The following MRAP variants were observed in gnomAD, a reference collection of about 807,000 sequenced individuals.
MRAP encodes melanocortin-2 receptor accessory protein.
In MRAP, 8 loss-of-function variants were observed where a neutral mutation model predicts 8.7. The ratio of observed to expected loss-of-function variants is 0.92; its 90% CI spans 0.54 to 1.66. MRAP has a LOEUF of 1.66. MRAP is among the 40% of genes most tolerant of loss of function. MRAP has a pLI of 0.00. For missense variants in MRAP, 237 were observed against 217.1 expected, an observed-to-expected ratio of 1.09 and a Z score of -0.58; for synonymous variants, 95 against 95.5, an observed-to-expected ratio of 1.00 and a Z score of 0.03.
intron 1 of MRAP, among the ~76,000 whole-genome samples, chr21:32,301,225 G>A (rs2032293080): frequency 6.6e-6 from 1 of 152,296 alleles, no homozygotes; most frequent in South Asian, 2.1e-4. Context: ...CCTTCCCAAA[G>A]TGCTGGGATT....
chr21:32,300,439 G>A (rs897513471), intron 1 of MRAP, among the ~76,000 whole-genome samples: 3 of 150,924 alleles, frequency 2.0e-5, no homozygotes, highest in African/African-American at 7.3e-5. Context: ...TGCGTCATGC[G>A]TCCTATGTCA....
At chr21:32,314,331 T>G (rs2032643242), downstream of MRAP, 1 of 451,238 alleles carries the variant, frequency 2.2e-6, no homozygotes, top group African/African-American at 2.0e-5. Flanking sequence ...ATTACAGGTG[T>G]GCGCTACCAT....
At chr21:32,292,123 T>C (rs1264084502) in intron 1 of MRAP, among the ~76,000 whole-genome samples, 1 of 149,926 alleles carries the variant, frequency 6.7e-6, no homozygotes, top group Non-Finnish European at 1.5e-5. Flanking sequence ...TAAATAATAT[T>C]CAGGTGGGAT....
chr21:32,299,851 C>A (rs995592621), intron 1 of MRAP, among the ~76,000 whole-genome samples: 10 of 152,194 alleles, frequency 6.6e-5, no homozygotes, highest in African/African-American at 2.4e-4. Context: ...AGCATGACTT[C>A]ACTTCTTTTT....
At chr21:32,298,271 C>T (rs1173768836), upstream of MRAP, among the ~76,000 whole-genome samples, 1 of 152,004 alleles carries the variant, frequency 6.6e-6, no homozygotes, top group East Asian at 1.9e-4. Flanking sequence ...GGGGTTGTGT[C>T]AGAGATAAAC....
Position 32,311,894 on chromosome 21 carries a change from C to T in MRAP, c.417C>T (p.His139=), listed in dbSNP as rs770396189. ...TGCCCCTCGGGGGTTTCCAGACCCA[C>T]CCCACTCTCCTCTGGGAACTGACCC... is the stretch of plus-strand genomic sequence containing the variant. The part of the protein sequence containing the change: ...STLPLGGFQT[H]PTLLWELTLN... Residue 139 remains histidine, a synonymous_variant, in exon 3 of 3, where the codon CAC becomes CAT. Transcript: ENST00000303645. 5 of 1,613,890 alleles carry T rather than the reference C, an allele frequency of 3.1e-6. No homozygotes were observed. Among genetic ancestry groups the T allele is most frequent in the Admixed American group, 3.3e-5 (2 of 60,006 alleles).
intron 1 of MRAP, among the ~76,000 whole-genome samples, chr21:32,303,174 G>A (rs2032329791): frequency 6.6e-6 from 1 of 151,880 alleles, no homozygotes; most frequent in Non-Finnish European, 1.5e-5. Context: ...AGTAGAGACG[G>A]GGTTTCACCA....
chr21:32,306,745 TAAG>T lies in MRAP; in HGVS notation c.206+10_206+12del. 6.2e-7 allele frequency: 1 copy of T among 1,611,680 alleles called. No individual in the cohort carries two copies. On this transcript the variant is annotated splice_region_variant and intron_variant, in intron 2 of 2. Coordinates refer to ENST00000303645, the MANE Select transcript of MRAP (RefSeq NM_001379228.1). ...TCCGCCTCCCCGCAGATGAGGTGGG[TAAG>T]AAGGGGTGTGAGTCTGTGGGTCACT...
upstream of MRAP, among the ~76,000 whole-genome samples, chr21:32,296,549 G>C (rs551052236): frequency 1.3e-5 from 2 of 152,242 alleles, no homozygotes; most frequent in South Asian, 4.1e-4. Context: ...GTGAACATCA[G>C]AGAGTCTACT....
chr21:32,314,700 G>A, downstream of MRAP: 1 of 1,579,136 alleles, frequency 6.3e-7, no homozygotes, highest in Non-Finnish European at 8.7e-7. Context: ...CACATTCCTT[G>A]CAACTCTGAT....
chr21:32,306,791 G>A (rs1289098333), intron 2 of MRAP, 52 bp downstream of exon 2: 2 of 1,384,750 alleles, frequency 1.4e-6, no homozygotes, highest in Non-Finnish European at 2.1e-6. Context: ...TCTCCAGTGA[G>A]TAACAGTGCA....
rs1187950141 is a variant in MRAP at position 32,311,684 on chromosome 21, G to C, written c.207G>C (p.Arg69Ser). The C allele has an allele frequency of 1.2e-6, 2 of 1,613,792 alleles. No individual in the cohort carries two copies. Among genetic ancestry groups the C allele is most frequent in the East Asian group, 2.2e-5 (1 of 44,890 alleles). The stretch of plus-strand genomic sequence containing the variant: ...GCCTCCCACTCTGCTCTGTTCACAG[G>C]AACAGCCCCAAGCACCACCAAACAT... ...YMSWSASPQM[R>S]NSPKHHQTCP... Residue 69 changes from arginine to serine, a missense_variant and splice_region_variant, in exon 3 of 3, where the codon AGG (arginine) becomes AGC (serine). Transcript: ENST00000303645.
At chr21:32,306,177 G>T (rs949901115) in intron 1 of MRAP, among the ~76,000 whole-genome samples, 10 of 152,108 alleles carry the variant, frequency 6.6e-5, no homozygotes, top group African/African-American at 2.2e-4. Flanking sequence ...CCTCCGCAGG[G>T]TATCAACTCC....
chr21:32,295,192 G>T (rs1275866031), upstream of MRAP, among the ~76,000 whole-genome samples: 1 of 152,298 alleles, frequency 6.6e-6, no homozygotes, highest in East Asian at 1.9e-4. Flanking sequence ...TAGAACAGGA[G>T]TGAACGCTTA....
intron 1 of MRAP, among the ~76,000 whole-genome samples, chr21:32,302,247 G>A (rs1296077296): frequency 1.3e-5 from 2 of 152,198 alleles, no homozygotes; most frequent in Non-Finnish European, 2.9e-5. Flanking sequence ...TAATGAAATG[G>A]GTGATTAAGC....
chr21:32,313,693 C>T (rs375541143), downstream of MRAP: 6 of 152,114 alleles, frequency 3.9e-5, no homozygotes, highest in Non-Finnish European at 8.8e-5. Context: ...ATTGTCAGCA[C>T]GATGTACATT....
chr21:32,304,391 T>C (rs1424661185), intron 1 of MRAP, among the ~76,000 whole-genome samples: 3 of 151,926 alleles, frequency 2.0e-5, no homozygotes, highest in Admixed American at 1.3e-4. Flanking sequence ...CCGAGGCAGG[T>C]GGATCATGAG....
chr21:32,307,778 G>C (rs1051212523), intron 2 of MRAP, among the ~76,000 whole-genome samples: 3 of 152,236 alleles, frequency 2.0e-5, no homozygotes. Context: ...GGAGGCTGAG[G>C]CAGGAGGATC....
At chr21:32,294,920 C>G (rs373564233), upstream of MRAP, among the ~76,000 whole-genome samples, 9 of 151,796 alleles carry the variant, frequency 5.9e-5, no homozygotes, top group African/African-American at 2.2e-4. Flanking sequence ...AATTTTATTC[C>G]TATGTGTTTT....
Sources: gnomAD v4.1 joint callset for allele counts (sites outside exome capture counted in the v4.1 genomes callset) on GRCh38, gnomAD v4.1.1 for gene constraint, MANE v1.5 for transcripts, NCBI Gene and HGNC (gene_info 2026-07-23, HGNC 2026-07-21) for gene names.